ANTXRL: variants seen among roughly 807,000 people sequenced by gnomAD.
ANTXRL encodes ANTXR like.
Under a neutral mutation model 75.4 loss-of-function variants are expected in ANTXRL, and 63 were observed. The observed-to-expected ratio is 0.84, with a 90% CI of 0.68 to 1.03. The LOEUF is 1.03. Among genes scored for constraint, ANTXRL ranks in the 50% least tolerant of loss-of-function variants. The pLI is 0.00. For missense variants in ANTXRL, 797 were observed against 789.4 expected (o/e 1.01, Z -0.12); for synonymous variants, 335 against 291.3 (o/e 1.15, Z -1.53).
chr10:46,309,286 G>C, intron 13 of ANTXRL, 84 bp downstream of exon 13: 1 of 1,520,996 alleles, frequency 6.6e-7, no homozygotes, highest in Non-Finnish European at 8.8e-7. Context: ...TGCCCCCCGT[G>C]ATCCCGCCTG....
chr10:46,310,293 G>A (rs797043603), intron 13 of ANTXRL, among the ~76,000 whole-genome samples, 168 bp from the exon 14 acceptor site: 9 of 152,214 alleles, frequency 5.9e-5, no homozygotes, highest in African/African-American at 2.2e-4. Flanking sequence ...AGGCCCAGGA[G>A]GAGGAGCCTG....
rs11259784 is a variant in ANTXRL at position 46,305,611 on chromosome 10, G to T, written c.896-1192G>T. On this transcript the variant is annotated intron_variant, in intron 10 of 16. Transcript: ENST00000620264. ...CCCAGTGGGTAGAGAGCTGGAGCCA[G>T]GCCAGCAGGCAGATGCAGCAGGGCC... Among the ~76,000 whole-genome samples, 944 of 152,248 alleles carry T rather than the reference G, an allele frequency of 6.2e-3. 21 individuals carry two copies. The highest frequency in any genetic ancestry group is 0.047 in the East Asian group (245 of 5,176).
chr10:46,313,327 G>A lies in ANTXRL; in HGVS notation c.1410+11G>A, dbSNP rs782026001. ...CAGAGCAGGGACCAGGTGAGCTAGG[G>A]CACAGGGACACAGTTGATGGACAAA... On this transcript the variant is annotated intron_variant, in intron 16 of 16. Coordinates refer to ENST00000620264, the MANE Select transcript of ANTXRL (RefSeq NM_001278688.3). The A allele has an allele frequency of 1.8e-5, 27 of 1,535,440 alleles. No individual in the cohort carries two copies. In the South Asian group the frequency reaches 3.1e-4, roughly 18 times the overall value.
Position 46,287,024 on chromosome 10 carries a change from G to A in ANTXRL, c.-239G>A, listed in dbSNP as rs373674095. Reference sequence around the variant, plus strand: ...TAACAGAGAATTCTGTCCCCAGGGTGGGGGAAGGGCCAGGCAGGTAGCTGG... The same window carrying A: ...TAACAGAGAATTCTGTCCCCAGGGTAGGGGAAGGGCCAGGCAGGTAGCTGG... On this transcript the variant is annotated 5_prime_UTR_variant, in exon 1 of 17. Transcript: ENST00000620264. The A allele has an allele frequency of 1.7e-6, 1 of 575,266 alleles. No homozygotes were observed. The highest frequency in any genetic ancestry group is 3.1e-6 in the Non-Finnish European group (1 of 327,072). The allele number at this position is 575,266 out of a possible 1,614,324, so 35.6% of individuals were successfully genotyped here. A position where few individuals can be genotyped will look rare whatever the true frequency, so the allele number is the denominator to read the frequency against.
At chr10:46,314,282 G>A (rs1296892732) in intron 16 of ANTXRL, among the ~76,000 whole-genome samples, 1 of 152,126 alleles carries the variant, frequency 6.6e-6, no homozygotes, top group Non-Finnish European at 1.5e-5. Flanking sequence ...TCCAGCCGCT[G>A]GGCTCCTGGC....
rs1424800060 is a variant in ANTXRL at position 46,328,106 on chromosome 10, G to T, written c.1411-1493G>T. On this transcript the variant is annotated intron_variant, in intron 16 of 16. Coordinates refer to ENST00000620264, the MANE Select transcript of ANTXRL (RefSeq NM_001278688.3). ...CAGGGCACTTCCCACAATGGGCTCA[G>T]CTTTCTGCCAGGACATGACTGGAAA... is the stretch of plus-strand genomic sequence containing the variant. Among the ~76,000 whole-genome samples, 4 of 152,150 alleles carry T rather than the reference G, an allele frequency of 2.6e-5. No homozygotes were observed. The East Asian group carries it at 7.7e-4, about 29-fold the overall frequency.
chr10:46,289,808 T>C (rs1160643794), intron 1 of ANTXRL, among the ~76,000 whole-genome samples: 1 of 152,102 alleles, frequency 6.6e-6, no homozygotes, highest in Non-Finnish European at 1.5e-5. Context: ...CCCCAAGCCC[T>C]AGTGACCTTT....
intron 10 of ANTXRL, among the ~76,000 whole-genome samples, chr10:46,306,385 T>A (rs1291350983): frequency 1.3e-5 from 2 of 152,196 alleles, no homozygotes; most frequent in Non-Finnish European, 2.9e-5. Context: ...CCTTGCATTA[T>A]TTCATGTTCC....
At chr10:46,299,366 G>C (rs193010982) in intron 9 of ANTXRL, among the ~76,000 whole-genome samples, 1 of 152,112 alleles carries the variant, frequency 6.6e-6, no homozygotes, top group Non-Finnish European at 1.5e-5. Flanking sequence ...GAGACGTAGC[G>C]AGGATGCCCT....
chr10:46,297,614 T>A, intron 7 of ANTXRL, 140 bp downstream of exon 7: 1 of 922,762 alleles, frequency 1.1e-6, no homozygotes, highest in South Asian at 1.6e-5. Flanking sequence ...CAGAAGTGAT[T>A]GACAGCATGT....
intron 15 of ANTXRL, among the ~76,000 whole-genome samples, chr10:46,311,983 C>T (rs2132824658): frequency 6.8e-6 from 1 of 147,084 alleles, no homozygotes; most frequent in South Asian, 2.2e-4. Context: ...CACAGGGGTG[C>T]CTCAGCTCTG....
intron 16 of ANTXRL, among the ~76,000 whole-genome samples, chr10:46,328,889 C>G (rs1839354650): frequency 6.6e-6 from 1 of 152,102 alleles, no homozygotes; most frequent in Non-Finnish European, 1.5e-5. Flanking sequence ...ACCCCAGTCC[C>G]TTTGACCTTA....
chr10:46,314,087 C>T (rs1554964212), intron 16 of ANTXRL, among the ~76,000 whole-genome samples: 1 of 152,188 alleles, frequency 6.6e-6, no homozygotes, highest in African/African-American at 2.4e-5. Flanking sequence ...ATAGAGGGAC[C>T]TGCACTGGCC....
chr10:46,312,855 C>G (rs1275780685), intron 15 of ANTXRL, among the ~76,000 whole-genome samples: 1 of 151,558 alleles, frequency 6.6e-6, no homozygotes, highest in Non-Finnish European at 1.5e-5. Context: ...CTGCCTTCCC[C>G]TTGTGTGCCC....
intron 14 of ANTXRL, among the ~76,000 whole-genome samples, 194 bp from the exon 15 acceptor site, chr10:46,311,316 G>A (rs528146232): frequency 6.6e-6 from 1 of 152,256 alleles, no homozygotes; most frequent in South Asian, 2.1e-4. Context: ...AGGGGACAGA[G>A]ACAAAGTCGT....
intron 16 of ANTXRL, among the ~76,000 whole-genome samples, chr10:46,324,200 T>A (rs1482885473): frequency 6.6e-6 from 1 of 152,156 alleles, no homozygotes; most frequent in East Asian, 1.9e-4. Context: ...AACAGTAGAA[T>A]GTCCAGAAGA....
chr10:46,317,857 C>A (rs978963022), intron 16 of ANTXRL, among the ~76,000 whole-genome samples: 15 of 152,102 alleles, frequency 9.9e-5, no homozygotes, highest in Non-Finnish European at 1.9e-4. Flanking sequence ...AGTGGTTGAG[C>A]TGATGTGAGA....
At chr10:46,297,546 A>C (rs4542339) in intron 7 of ANTXRL, 72 bp downstream of exon 7, 15 of 1,470,316 alleles carry the variant, frequency 1.0e-5, no homozygotes, top group Non-Finnish European at 1.4e-5. Context: ...GTCCCGGGCC[A>C]CCCCAAGGAC....
chr10:46,296,442 C>G (rs756642776), intron 5 of ANTXRL, among the ~76,000 whole-genome samples, 190 bp downstream of exon 5: 4 of 152,172 alleles, frequency 2.6e-5, no homozygotes, highest in Non-Finnish European at 5.9e-5. Context: ...CCATGGAGTT[C>G]TGAGAACTGT....
Sources: gnomAD v4.1 joint callset for allele counts (sites outside exome capture counted in the v4.1 genomes callset) on GRCh38, gnomAD v4.1.1 for gene constraint, MANE v1.5 for transcripts, NCBI Gene and HGNC (gene_info 2026-07-23, HGNC 2026-07-21) for gene names.